The following ANKH variants were observed in gnomAD, a reference collection of about 807,000 sequenced individuals.
The protein encoded by ANKH is mineralization regulator ANKH.
A neutral mutation model predicts 49.0 loss-of-function variants in ANKH; 15 were observed. The ratio of observed to expected loss-of-function variants is 0.31; its 90% CI spans 0.20 to 0.47. ANKH has a LOEUF of 0.47. Among genes scored for constraint, ANKH ranks in the 20% least tolerant of loss-of-function variants. The pLI is 1.00. For missense variants in ANKH, 429 were observed against 652.0 expected (o/e 0.66, Z 3.72); for synonymous variants, 273 against 260.0 (o/e 1.05, Z -0.48).
intron 1 of ANKH, among the ~76,000 whole-genome samples, chr5:14,809,335 T>TAAAAA (rs36119317): frequency 2.0e-3 from 158 of 80,408 alleles, no homozygotes; most frequent in Non-Finnish European, 2.4e-3. Context: ...TAGAGTATAA[T>TAAAAA]AAAAAAAAAA....
intron 1 of ANKH, among the ~76,000 whole-genome samples, chr5:14,802,444 C>G (rs7712688): frequency 0.011 from 1,730 of 152,230 alleles, 37 homozygotes; most frequent in African/African-American, 0.04. Context: ...ATCCCTATTA[C>G]TACTTGATCT....
Position 14,704,965 on chromosome 5 carries a change from T to G in ANKH, c.*6232A>C, listed in dbSNP as rs1214958654. ...GTTAGATACATAAAGAGCACTTCCTTAAAAGCGACATGTATTTTATACTGA... is the reference window on the plus strand; with the variant it reads ...GTTAGATACATAAAGAGCACTTCCTGAAAAGCGACATGTATTTTATACTGA... On this transcript the variant is annotated 3_prime_UTR_variant, in exon 12 of 12. Transcript: ENST00000284268. 3 of 152,224 alleles carry G rather than the reference T, an allele frequency of 2.0e-5. No homozygotes were observed. The highest frequency in any genetic ancestry group is 6.5e-5 in the Admixed American group (1 of 15,284). The allele number at this position is 152,224 out of a possible 1,614,324, so 9.4% of individuals were successfully genotyped here. A position where few individuals can be genotyped will look rare whatever the true frequency, so the allele number is the denominator to read the frequency against.
At chr5:14,724,603 C>G (rs986536892) in intron 8 of ANKH, 4 of 985,104 alleles carry the variant, frequency 4.1e-6, no homozygotes, top group African/African-American at 3.5e-5. Context: ...AGCTAAGAAC[C>G]ACGGAAGGGG....
chr5:14,765,757 T>C (rs1739240642), intron 2 of ANKH, among the ~76,000 whole-genome samples: 1 of 152,230 alleles, frequency 6.6e-6, no homozygotes, highest in South Asian at 2.1e-4. Context: ...CTCTTTGACC[T>C]GAGCCTGTCT....
At chr5:14,727,670 TCTC>T (rs754341858) in intron 8 of ANKH, among the ~76,000 whole-genome samples, 2 of 151,916 alleles carry the variant, frequency 1.3e-5, no homozygotes, top group Non-Finnish European at 2.9e-5. Context: ...AGCCTTTCCT[TCTC>T]CTTGACTATT....
At chr5:14,849,132 T>A (rs911494294) in intron 1 of ANKH, among the ~76,000 whole-genome samples, 1 of 152,190 alleles carries the variant, frequency 6.6e-6, no homozygotes, top group Non-Finnish European at 1.5e-5. Flanking sequence ...CTTACTTCCA[T>A]CCTTTTCCCT....
intron 1 of ANKH, among the ~76,000 whole-genome samples, chr5:14,834,549 G>C (rs915442338): frequency 2.0e-5 from 3 of 152,174 alleles, no homozygotes; most frequent in Non-Finnish European, 4.4e-5. Flanking sequence ...GGGAGGCTGA[G>C]GTGGGCAGAT....
intron 8 of ANKH, among the ~76,000 whole-genome samples, chr5:14,727,952 G>A (rs1307408703): frequency 6.6e-6 from 1 of 152,212 alleles, no homozygotes; most frequent in Non-Finnish European, 1.5e-5. Context: ...AATGACACAT[G>A]TGCATCTGCC....
intron 1 of ANKH, among the ~76,000 whole-genome samples, chr5:14,777,439 AG>A (rs1303221132): frequency 1.3e-5 from 2 of 152,198 alleles, no homozygotes; most frequent in Non-Finnish European, 2.9e-5. Context: ...ACAAAACCAC[AG>A]GATATTAAAA....
intron 1 of ANKH, among the ~76,000 whole-genome samples, chr5:14,843,377 T>C (rs1049724931): frequency 1.3e-5 from 2 of 151,708 alleles, no homozygotes; most frequent in African/African-American, 4.8e-5. Context: ...CACTTCGCCA[T>C]GTTGGTCAGG....
At chr5:14,851,307 C>T (rs1360013853) in intron 1 of ANKH, among the ~76,000 whole-genome samples, 1 of 152,200 alleles carries the variant, frequency 6.6e-6, no homozygotes, top group Non-Finnish European at 1.5e-5. Context: ...ACTCCGCCTT[C>T]CTCTGTGCTC....
At chr5:14,838,913 G>A (rs529554550) in intron 1 of ANKH, among the ~76,000 whole-genome samples, 3 of 152,164 alleles carry the variant, frequency 2.0e-5, no homozygotes, top group East Asian at 1.9e-4. Context: ...GAACCGACTC[G>A]CTATCCACGT....
In ANKH at chr5:14,770,454, A is replaced by AT. The variant is rs1483154476; in HGVS notation, c.97-1264dup. Among the ~76,000 whole-genome samples the AT allele has an allele frequency of 1.3e-5, 2 of 152,196 alleles. No homozygotes were observed. Among genetic ancestry groups the AT allele is most frequent in the African/African-American group, 2.4e-5 (1 of 41,442 alleles). On this transcript the variant is annotated intron_variant, in intron 1 of 11. Transcript: ENST00000284268. The surrounding 1 kb of genome is among the most constrained non-coding windows in gnomAD (Gnocchi z 4.1). ...TGTTTTTTCCTATATATACATACCT[A>AT]TGAGAAAGTTTAATTTATAAATTAG...
At chr5:14,837,916 T>C (rs1247518669) in intron 1 of ANKH, among the ~76,000 whole-genome samples, 1 of 152,166 alleles carries the variant, frequency 6.6e-6, no homozygotes, top group Non-Finnish European at 1.5e-5. Flanking sequence ...ATATATACCA[T>C]GGAATACTAT....
In ANKH at chr5:14,745,266, AG is replaced by A. The variant is rs1459169692; in HGVS notation, c.915+603del. Among the ~76,000 whole-genome samples the A allele has an allele frequency of 6.6e-6, 1 of 152,260 alleles. No homozygotes were observed. The highest frequency in any genetic ancestry group is 2.4e-5 in the African/African-American group (1 of 41,474). ...GGTTTAAATGATAACGCTATAAAAT[AG>A]ACTTTAATTGAATGACAGCAGGACA... On this transcript the variant is annotated intron_variant, in intron 7 of 11. Coordinates refer to ENST00000284268, the MANE Select transcript of ANKH (RefSeq NM_054027.6). This position sits in a 1 kb window ranked among gnomAD's most constrained non-coding sequence, Gnocchi z 4.7.
chr5:14,716,189 G>T (rs1737449604), intron 9 of ANKH, among the ~76,000 whole-genome samples: 1 of 152,074 alleles, frequency 6.6e-6, no homozygotes, highest in African/African-American at 2.4e-5. Context: ...TACTGTTTTT[G>T]TAATCACTGC....
In ANKH at chr5:14,707,403, C is replaced by T. The variant is rs1029048653; in HGVS notation, c.*3794G>A. The T allele has an allele frequency of 3.3e-5, 5 of 152,100 alleles. No individual in the cohort carries two copies. The highest frequency in any genetic ancestry group is 9.7e-5 in the African/African-American group (4 of 41,380). 9.4% of individuals were successfully genotyped at this position (152,100 alleles called of 1,614,324 possible). A position where few individuals can be genotyped will look rare whatever the true frequency, so the allele number is the denominator to read the frequency against. On this transcript the variant is annotated 3_prime_UTR_variant, in exon 12 of 12. Transcript: ENST00000284268. ...CTGCCCCTTCCCTCCAGAAGATCCCCAAATGGGGAACAAGTAAGAGAGCAG... is the reference window on the plus strand; with the variant it reads ...CTGCCCCTTCCCTCCAGAAGATCCCTAAATGGGGAACAAGTAAGAGAGCAG...
chr5:14,734,616 G>A (rs1040728214), intron 8 of ANKH, among the ~76,000 whole-genome samples: 3 of 152,228 alleles, frequency 2.0e-5, no homozygotes, highest in Non-Finnish European at 1.5e-5. Context: ...GCACTCGGCA[G>A]GTGCAGGGAT....
intron 1 of ANKH, among the ~76,000 whole-genome samples, chr5:14,834,660 A>G (rs568551373): frequency 2.9e-4 from 44 of 152,214 alleles, no homozygotes; most frequent in Admixed American, 2.2e-3. Flanking sequence ...ACACACCTGT[A>G]ATCCCAGCTA....
Sources: allele counts gnomAD v4.1 joint callset (sites outside exome capture counted in the v4.1 genomes callset), GRCh38; gene constraint gnomAD v4.1.1; non-coding constraint Gnocchi (gnomAD v3.1); transcripts MANE v1.5; gene names NCBI Gene and HGNC (gene_info 2026-07-23, HGNC 2026-07-21).